XXYLT1: variants seen among roughly 807,000 people sequenced by gnomAD.
XXYLT1 encodes the protein UDP-xylose:alpha-xyloside alpha-1,3-xylosyltransferase.
A neutral mutation model predicts 28.9 loss-of-function variants in XXYLT1; 20 were observed. The observed-to-expected ratio is 0.69, with a 90% CI of 0.49 to 1.00. The LOEUF is 1.00. XXYLT1 is among the 50% of genes least tolerant of loss of function. The pLI is 0.00. For missense variants in XXYLT1, 542 were observed against 560.1 expected (o/e 0.97, Z 0.33); for synonymous variants, 257 against 253.8 (o/e 1.01, Z -0.12).
rs1721632276 is a variant in XXYLT1 at position 195,175,715 on chromosome 3, T to C, written c.653-19134A>G. ...ATGGACTATGAGCAGAAGTGCTGTG[T>C]GCAACTCTGGACTGTAGCAGTGAGA... is the stretch of plus-strand genomic sequence containing the variant. On this transcript the variant is annotated intron_variant, in intron 2 of 3. Coordinates refer to ENST00000310380, the MANE Select transcript of XXYLT1 (RefSeq NM_152531.5). 3 of 1,536,082 alleles carry C rather than the reference T, an allele frequency of 2.0e-6. No homozygotes were observed. The East Asian group carries it at 7.3e-5, about 38-fold the overall frequency.
At chr3:195,160,751 C>T (rs1577094185) in intron 2 of XXYLT1, among the ~76,000 whole-genome samples, 1 of 152,210 alleles carries the variant, frequency 6.6e-6, no homozygotes, top group Non-Finnish European at 1.5e-5. Flanking sequence ...CCAGCCAGAC[C>T]AGGCTGGCTT....
intron 3 of XXYLT1, among the ~76,000 whole-genome samples, chr3:195,098,598 T>C (rs1366865686): frequency 1.3e-5 from 2 of 152,202 alleles, no homozygotes; most frequent in East Asian, 3.9e-4. Flanking sequence ...GTGTTATGTA[T>C]ATATTTGACC....
intron 3 of XXYLT1, among the ~76,000 whole-genome samples, chr3:195,080,613 G>A (rs1715380143): frequency 6.6e-6 from 1 of 152,208 alleles, no homozygotes; most frequent in South Asian, 2.1e-4. Context: ...TTCAGAATCG[G>A]CTCACTGTCC....
chr3:195,207,244 C>A (rs771732650), intron 2 of XXYLT1, among the ~76,000 whole-genome samples: 1 of 152,160 alleles, frequency 6.6e-6, no homozygotes, highest in African/African-American at 2.4e-5. Context: ...CAAAGCAGCC[C>A]CACACACAGT....
chr3:195,191,077 C>T (rs1212700251), intron 2 of XXYLT1, among the ~76,000 whole-genome samples: 1 of 152,162 alleles, frequency 6.6e-6, no homozygotes, highest in Non-Finnish European at 1.5e-5. Context: ...ATGATCTCAA[C>T]ACTCTTAAAG....
At chr3:195,108,713 G>A (rs1577035448) in intron 3 of XXYLT1, among the ~76,000 whole-genome samples, 1 of 152,148 alleles carries the variant, frequency 6.6e-6, no homozygotes, top group South Asian at 2.1e-4. Flanking sequence ...TAACACAATG[G>A]TATCTGTCTA....
chr3:195,266,241 A>C (rs1419454329), intron 1 of XXYLT1, among the ~76,000 whole-genome samples: 6 of 152,182 alleles, frequency 3.9e-5, no homozygotes, highest in Non-Finnish European at 7.3e-5. Flanking sequence ...CACGCCTGTA[A>C]TCCCAGCACT....
chr3:195,144,619 G>A (rs553488256), intron 3 of XXYLT1, among the ~76,000 whole-genome samples: 38 of 151,662 alleles, frequency 2.5e-4, no homozygotes, highest in Non-Finnish European at 3.8e-4. Flanking sequence ...CCCGTGATCC[G>A]CCCGCCTCAG....
intron 3 of XXYLT1, among the ~76,000 whole-genome samples, chr3:195,134,328 G>A (rs184851807): frequency 1.2e-3 from 177 of 152,264 alleles, no homozygotes; most frequent in African/African-American, 4.0e-3. Context: ...TGACGCACCC[G>A]GAGCAACTTC....
intron 3 of XXYLT1, among the ~76,000 whole-genome samples, chr3:195,092,361 C>T (rs62290282): frequency 0.29 from 42,278 of 144,776 alleles, 6,036 homozygotes; most frequent in East Asian, 0.56. Context: ...ACAGAGCCCT[C>T]AGAAATAACG....
chr3:195,109,057 T>C, intron 3 of XXYLT1, among the ~76,000 whole-genome samples: 1 of 152,174 alleles, frequency 6.6e-6, no homozygotes, highest in East Asian at 1.9e-4. Context: ...AGCAGTGAAT[T>C]CTCAGGAAAG....
chr3:195,083,320 C>A (rs1054230122), intron 3 of XXYLT1, among the ~76,000 whole-genome samples: 1 of 152,160 alleles, frequency 6.6e-6, no homozygotes, highest in Non-Finnish European at 1.5e-5. Flanking sequence ...AGTCTTGGGG[C>A]AGCCTGACAG....
At chr3:195,243,761 G>C (rs1724883671) in intron 1 of XXYLT1, among the ~76,000 whole-genome samples, 1 of 152,222 alleles carries the variant, frequency 6.6e-6, no homozygotes, top group African/African-American at 2.4e-5. Flanking sequence ...AAAGGTAACA[G>C]TCATAATGGA....
intron 3 of XXYLT1, among the ~76,000 whole-genome samples, chr3:195,142,228 C>A (rs1045267725): frequency 6.6e-6 from 1 of 152,204 alleles, no homozygotes; most frequent in Non-Finnish European, 1.5e-5. Flanking sequence ...TCCTAGTGCC[C>A]CCTCCCCAAC....
intron 1 of XXYLT1, among the ~76,000 whole-genome samples, chr3:195,227,711 G>T (rs76821694): frequency 0.031 from 4,698 of 151,982 alleles, 140 homozygotes; most frequent in East Asian, 0.1. Flanking sequence ...GATAATAAAT[G>T]CAGAGTCAGA....
rs151059024 is a variant in XXYLT1 at position 195,196,084 on chromosome 3, C to T, written c.652+30625G>A. 6.4e-3 allele frequency among the ~76,000 whole-genome samples: 977 copies of T among 152,326 alleles called. 10 individuals are homozygous for T. Among genetic ancestry groups the T allele is most frequent in the African/African-American group, 0.022 (928 of 41,578 alleles). On this transcript the variant is annotated intron_variant, in intron 2 of 3. Transcript: ENST00000310380. ...GCCAAGCCCTGGAGGACAGCGCCGT[C>T]CAGCAGAACCCTGTGCCTGATGGAA...
intron 2 of XXYLT1, among the ~76,000 whole-genome samples, chr3:195,202,164 G>A (rs1722886102): frequency 6.6e-6 from 1 of 152,108 alleles, no homozygotes. Context: ...GCAACAGAGT[G>A]AGACTCCGTC....
intron 3 of XXYLT1, among the ~76,000 whole-genome samples, chr3:195,088,500 G>C (rs893282284): frequency 6.6e-5 from 9 of 136,856 alleles, no homozygotes; most frequent in East Asian, 4.6e-4. Flanking sequence ...AAACAGAAAG[G>C]ACATCCACAC....
chr3:195,252,711 C>G (rs1725306072), intron 1 of XXYLT1, among the ~76,000 whole-genome samples: 1 of 142,596 alleles, frequency 7.0e-6, no homozygotes, highest in African/African-American at 2.9e-5. Context: ...CACACACACA[C>G]ACACACACAC....
Sources: allele counts gnomAD v4.1 joint callset (sites outside exome capture counted in the v4.1 genomes callset), GRCh38; gene constraint gnomAD v4.1.1; transcripts MANE v1.5; gene names NCBI Gene and HGNC (gene_info 2026-07-23, HGNC 2026-07-21).